GFRA2: variants seen among roughly 807,000 people sequenced by gnomAD.
GFRA2 encodes the protein GDNF family receptor alpha-2.
A neutral mutation model predicts 48.3 loss-of-function variants in GFRA2; 17 were observed. That is an observed-to-expected ratio of 0.35 (90% CI 0.24 to 0.53). GFRA2 has a LOEUF of 0.53. Ranked by LOEUF, GFRA2 falls within the 20% of genes least tolerant of loss-of-function variation. GFRA2 has a pLI of 0.93. For missense variants in GFRA2, 660 were observed against 637.3 expected (o/e 1.04, Z -0.38); for synonymous variants, 305 against 257.2 (o/e 1.19, Z -1.78).
chr8:21,790,029 G>A, upstream of GFRA2: 1 of 979,036 alleles, frequency 1.0e-6, no homozygotes, highest in Non-Finnish European at 1.2e-6. Flanking sequence ...CCCTAGCCGG[G>A]AAGGGGGCGA....
At chr8:21,752,264 C>T (rs935947477) in intron 3 of GFRA2, among the ~76,000 whole-genome samples, 4 of 152,150 alleles carry the variant, frequency 2.6e-5, no homozygotes, top group African/African-American at 4.8e-5. Flanking sequence ...ACCCCTCAAT[C>T]GAGTTGTCTA....
At chr8:21,728,739 C>A (rs899235391) in intron 4 of GFRA2, among the ~76,000 whole-genome samples, 1 of 152,148 alleles carries the variant, frequency 6.6e-6, no homozygotes, top group African/African-American at 2.4e-5. Flanking sequence ...TGGGCAAGTC[C>A]CTTAAAATCT....
chr8:21,772,737 G>T (rs1219900719), intron 3 of GFRA2, among the ~76,000 whole-genome samples: 1 of 152,212 alleles, frequency 6.6e-6, no homozygotes, highest in Non-Finnish European at 1.5e-5. Context: ...TCGGTGAGCT[G>T]CAGACCTAGT....
At chr8:21,713,657 A>C (rs532256820) in intron 4 of GFRA2, among the ~76,000 whole-genome samples, 2 of 152,264 alleles carry the variant, frequency 1.3e-5, no homozygotes, top group Admixed American at 1.3e-4. Flanking sequence ...TCCGCAGACC[A>C]AAAGCATCAT....
Position 21,750,929 on chromosome 8 carries a change from G to C in GFRA2, c.453C>G (p.Asp151Glu). The C allele has an allele frequency of 6.2e-7, 1 of 1,611,434 alleles. No homozygotes were observed. Among genetic ancestry groups the C allele is most frequent in the East Asian group, 2.2e-5 (1 of 44,830 alleles). Residue 151 changes from aspartate (D) to glutamate (E), a missense_variant, in exon 4 of 9, where the codon GAC (aspartate) becomes GAG (glutamate). Coordinates refer to ENST00000524240, the MANE Select transcript of GFRA2 (RefSeq NM_001495.5). This position sits in a 1 kb window ranked among gnomAD's most constrained non-coding sequence, Gnocchi z 5.7. ...LASIFSGTGA[D>E]PVVSAKSNHC... ...GGTTGCTCTTGGCGCTGACCACCGGGTCTGCCCCTGTCCCTGGAGGAGGAA... is the reference window on the plus strand; with the variant it reads ...GGTTGCTCTTGGCGCTGACCACCGGCTCTGCCCCTGTCCCTGGAGGAGGAA...
chr8:21,765,680 T>C (rs1806117677), intron 3 of GFRA2, among the ~76,000 whole-genome samples: 1 of 152,116 alleles, frequency 6.6e-6, no homozygotes, highest in Non-Finnish European at 1.5e-5. Context: ...TCTAACTGTG[T>C]CCTTGGCACT....
intron 2 of GFRA2, among the ~76,000 whole-genome samples, chr8:21,795,543 C>T (rs1468466079): frequency 6.6e-6 from 1 of 152,132 alleles, no homozygotes; most frequent in East Asian, 1.9e-4. Flanking sequence ...CAGGCGTGTG[C>T]TGCCTTGCCT....
intron 2 of GFRA2, among the ~76,000 whole-genome samples, chr8:21,778,931 C>T (rs1262035109): frequency 1.3e-5 from 2 of 151,972 alleles, no homozygotes; most frequent in African/African-American, 2.4e-5. Flanking sequence ...CAGGCACAAG[C>T]GGCCCACGCC....
intron 4 of GFRA2, among the ~76,000 whole-genome samples, chr8:21,724,174 G>A (rs1418933054): frequency 1.3e-5 from 2 of 152,086 alleles, no homozygotes; most frequent in Non-Finnish European, 2.9e-5. Context: ...TGCACAGATA[G>A]GTAACGTGTC....
chr8:21,799,366 C>T (rs929613277), intron 2 of GFRA2, among the ~76,000 whole-genome samples: 1,753 of 152,108 alleles, frequency 0.012, 37 homozygotes, highest in African/African-American at 0.04. Context: ...TACAGGTGCC[C>T]GCCACCACAC....
chr8:21,702,593 G>A (rs1335366374), intron 7 of GFRA2, among the ~76,000 whole-genome samples: 1 of 152,256 alleles, frequency 6.6e-6, no homozygotes, highest in Non-Finnish European at 1.5e-5. Flanking sequence ...TGCAAAGCAG[G>A]TATAACACTG....
At chr8:21,717,208 T>C (rs1803377753) in intron 4 of GFRA2, among the ~76,000 whole-genome samples, 1 of 152,198 alleles carries the variant, frequency 6.6e-6, no homozygotes, top group Non-Finnish European at 1.5e-5. Context: ...AGACAGATGA[T>C]GATCAAATTC....
intron 4 of GFRA2, among the ~76,000 whole-genome samples, chr8:21,745,473 C>T (rs996702009): frequency 6.6e-6 from 1 of 152,238 alleles, no homozygotes; most frequent in Non-Finnish European, 1.5e-5. Flanking sequence ...AGGCCGGCTT[C>T]ATTCATTAAA....
chr8:21,704,852 G>A (rs972854869), intron 6 of GFRA2, 133 bp downstream of exon 6: 37 of 735,364 alleles, frequency 5.0e-5, no homozygotes, highest in South Asian at 1.3e-4. Flanking sequence ...AGGTCCCCAC[G>A]GGCAACACCC....
intron 4 of GFRA2, among the ~76,000 whole-genome samples, chr8:21,720,005 C>T (rs911908408): frequency 6.6e-6 from 1 of 152,172 alleles, no homozygotes; most frequent in South Asian, 2.1e-4. Context: ...ACTCAAAGAC[C>T]CAGACCCCCT....
chr8:21,694,051 A>ATATATTTATT (rs1554482933), intron 8 of GFRA2, among the ~76,000 whole-genome samples: 2 of 124,222 alleles, frequency 1.6e-5, no homozygotes, highest in African/African-American at 6.6e-5. Flanking sequence ...AGATATATAT[A>ATATATTTATT]TATTTATATA....
intron 3 of GFRA2, among the ~76,000 whole-genome samples, chr8:21,755,381 T>TA (rs1327941116): frequency 6.6e-6 from 1 of 152,024 alleles, no homozygotes; most frequent in Non-Finnish European, 1.5e-5. Flanking sequence ...AAACCACTCT[T>TA]AAAAAAATAA....
At chr8:21,720,009 AC>A (rs1803518548) in intron 4 of GFRA2, among the ~76,000 whole-genome samples, 6 of 151,138 alleles carry the variant, frequency 4.0e-5, no homozygotes, top group Admixed American at 2.0e-4. Context: ...AAAGACCCAG[AC>A]CCCCTCCCCA....
intron 2 of GFRA2, among the ~76,000 whole-genome samples, chr8:21,804,016 C>T (rs1807814724): frequency 6.6e-6 from 1 of 152,122 alleles, no homozygotes. Flanking sequence ...CTAATAGCCC[C>T]ATTTGATATA....
Sources: allele counts gnomAD v4.1 joint callset (sites outside exome capture counted in the v4.1 genomes callset), GRCh38; gene constraint gnomAD v4.1.1; non-coding constraint Gnocchi (gnomAD v3.1); transcripts MANE v1.5; gene names NCBI Gene and HGNC (gene_info 2026-07-23, HGNC 2026-07-21).